TTLL8: variants seen among roughly 807,000 people sequenced by gnomAD.
The protein encoded by TTLL8 is tubulin tyrosine ligase like 8.
Under a neutral mutation model 77.8 loss-of-function variants are expected in TTLL8, and 65 were observed. That is an observed-to-expected ratio of 0.84 (90% CI 0.68 to 1.03). TTLL8 has a LOEUF of 1.03. Among genes scored for constraint, TTLL8 ranks in the 50% least tolerant of loss-of-function variants. TTLL8 has a pLI of 0.00. For missense variants in TTLL8, 910 were observed against 1,004.5 expected (o/e 0.91, Z 1.27); for synonymous variants, 402 against 422.8 (o/e 0.95, Z 0.60).
chr22:50,049,196 G>A (rs2061429983), intron 3 of TTLL8, 53 bp downstream of exon 5: 2 of 1,366,524 alleles, frequency 1.5e-6, no homozygotes, highest in South Asian at 2.3e-5. Context: ...GGGCGACGGT[G>A]TGAGAAGCTT....
At chr22:50,035,419 C>T (rs2061329322) in intron 8 of TTLL8, among the ~76,000 whole-genome samples, 1 of 152,142 alleles carries the variant, frequency 6.6e-6, no homozygotes, top group Non-Finnish European at 1.5e-5. Context: ...GGAGGGGCCC[C>T]ACCACTGTGG....
At chr22:50,032,071 A>G in exon 11 of TTLL8, 1 of 1,364,990 alleles carries the variant, frequency 7.3e-7, no homozygotes, top group Non-Finnish European at 9.8e-7. Flanking sequence ...ATCATTCTTC[A>G]GGTACTTCTG....
At chr22:50,049,496 G>A (rs1036291502) in intron 2 of TTLL8, among the ~76,000 whole-genome samples, 174 bp from the exon 5 acceptor site, 2 of 152,194 alleles carry the variant, frequency 1.3e-5, no homozygotes, top group African/African-American at 4.8e-5. Flanking sequence ...TCAGGCTTGG[G>A]GCATTCTGGC....
At chr22:50,040,400 G>C (rs2061363409) in intron 8 of TTLL8, among the ~76,000 whole-genome samples, 1 of 152,264 alleles carries the variant, frequency 6.6e-6, no homozygotes, top group South Asian at 2.1e-4. Flanking sequence ...CAGATTTCAT[G>C]TTGGGCACAA....
chr22:50,025,787 T>C (rs1200339610), intron 12 of TTLL8, among the ~76,000 whole-genome samples: 1 of 152,168 alleles, frequency 6.6e-6, no homozygotes, highest in Non-Finnish European at 1.5e-5. Context: ...ATGAACAAAG[T>C]GCTCAGCATG....
At position 50,032,118 on chromosome 22, in the gene TTLL8, G is replaced by T; in HGVS notation, c.1284-9C>A. ...TGCACAGGTGGATGGCGCTGCAGGG[G>T]GGACGAGGGGCAGGTGCTCAGCCTC... On this transcript the variant is annotated splice_polypyrimidine_tract_variant and intron_variant, in intron 10 of 13. Coordinates refer to ENST00000266182, the Ensembl canonical transcript of TTLL8. 1 of 1,348,298 alleles carries T rather than the reference G, an allele frequency of 7.4e-7. No homozygotes were observed. 83.5% of individuals were successfully genotyped at this position (1,348,298 alleles called of 1,614,324 possible).
exon 2 of TTLL8, chr22:50,050,150 T>A (rs1247267874): frequency 7.3e-7 from 1 of 1,367,078 alleles, no homozygotes; most frequent in Non-Finnish European, 9.8e-7. Context: ...CGGAATGACC[T>A]TGGGCAAAAA....
intron 12 of TTLL8, chr22:50,027,587 GT>G: frequency 1.0e-6 from 1 of 961,824 alleles, no homozygotes; most frequent in South Asian, 4.8e-5. Flanking sequence ...CAGATTCAAG[GT>G]GATCCCAGTC....
At chr22:50,049,446 G>T in intron 2 of TTLL8, 124 bp from the exon 5 acceptor site, 2 of 1,060,908 alleles carry the variant, frequency 1.9e-6, no homozygotes, top group Non-Finnish European at 1.3e-6. Flanking sequence ...TCCAGATGGG[G>T]CCTTCCCCTG....
intron 8 of TTLL8, among the ~76,000 whole-genome samples, chr22:50,035,347 A>C (rs1226200548): frequency 6.6e-6 from 1 of 152,188 alleles, no homozygotes; most frequent in East Asian, 1.9e-4. Context: ...TCGGGGTTCC[A>C]TTCACACCTG....
At position 50,034,397 on chromosome 22, in the gene TTLL8, G is replaced by A. The variant is rs770195173; in HGVS notation, c.987C>T (p.Asn329=). 4 of 1,367,276 alleles carry A rather than the reference G, an allele frequency of 2.9e-6. No homozygotes were observed. In the African/African-American group the frequency reaches 4.4e-5, roughly 15 times the overall value. 84.7% of individuals were successfully genotyped at this position (1,367,276 alleles called of 1,614,324 possible). The change falls in exon 9 of 14, where the codon AAC becomes AAT. Residue 329 remains asparagine, a synonymous_variant. Coordinates refer to ENST00000266182, the Ensembl canonical transcript of TTLL8. The surrounding 1 kb of genome is among the most constrained non-coding windows in gnomAD (Gnocchi z 4.1). ...TGGCCGCGGGCTTTATAATCCAGAT[G>A]TTCCGGAGCCCGTCAATGTCCGTCT...
Position 50,043,112 on chromosome 22 carries a change from C to T in TTLL8, c.644-1305G>A, listed in dbSNP as rs113071989. ...AGACGTCCTTCGGTAGATGGATAGA[C>T]AGATAAACAGTGGTGCCGAGACGTC... On this transcript the variant is annotated intron_variant, in intron 6 of 13. Transcript: ENST00000266182. Among the ~76,000 whole-genome samples, 193 of 146,174 alleles carry T rather than the reference C, an allele frequency of 1.3e-3. 1 individual carries two copies. The highest frequency in any genetic ancestry group is 2.7e-3 in the South Asian group (12 of 4,492).
At chr22:50,039,738 G>A (rs993843885) in intron 8 of TTLL8, among the ~76,000 whole-genome samples, 4 of 150,216 alleles carry the variant, frequency 2.7e-5, no homozygotes, top group East Asian at 2.0e-4. Context: ...CTGACCCCAC[G>A]TGTATCAGTG....
rs116275587 is a variant in TTLL8, at chr22:50,046,394, G to A, written c.394-424C>T. On this transcript the variant is annotated intron_variant, in intron 4 of 13. Coordinates refer to ENST00000266182, the Ensembl canonical transcript of TTLL8. ...ACATGCCCAGCACTGCCCACCACAC[G>A]CGAGGTAGCACGCGCCATTAGAGAG... 5.3e-3 allele frequency among the ~76,000 whole-genome samples: 804 copies of A among 152,338 alleles called. 7 individuals are homozygous for A. The highest frequency in any genetic ancestry group is 0.019 in the African/African-American group (770 of 41,562).
chr22:50,042,239 C>T (rs1256281604), intron 6 of TTLL8, among the ~76,000 whole-genome samples: 1 of 152,228 alleles, frequency 6.6e-6, no homozygotes, highest in Non-Finnish European at 1.5e-5. Context: ...GATATTTGCA[C>T]ACACTTAATA....
chr22:50,030,465 G>T, exon 12 of TTLL8: 1 of 1,343,520 alleles, frequency 7.4e-7, no homozygotes, highest in Non-Finnish European at 9.9e-7. Flanking sequence ...CGCGCCCTCT[G>T]CTGTCTTCAG....
chr22:50,054,709 C>T (rs1169684480), upstream of TTLL8: 3 of 176,454 alleles, frequency 1.7e-5, no homozygotes, highest in Middle Eastern at 1.0e-3. Flanking sequence ...GCGCTGGCCA[C>T]CCCTTGGTGG....
At chr22:50,058,019 G>A (rs1427684172), upstream of TTLL8, among the ~76,000 whole-genome samples, 1 of 151,710 alleles carries the variant, frequency 6.6e-6, no homozygotes, top group Non-Finnish European at 1.5e-5. The surrounding 1 kb of genome is among the most constrained non-coding windows in gnomAD (Gnocchi z 4.2). Flanking sequence ...GGCCCGGGGC[G>A]GGGAGGGGGT....
intron 12 of TTLL8, among the ~76,000 whole-genome samples, chr22:50,021,878 A>G (rs1040499326): frequency 2.2e-5 from 3 of 134,214 alleles, no homozygotes; most frequent in Non-Finnish European, 4.7e-5. Flanking sequence ...GATGACATGC[A>G]CTTCTCCATC....
Sources: allele counts gnomAD v4.1 joint callset (sites outside exome capture counted in the v4.1 genomes callset), GRCh38; gene constraint gnomAD v4.1.1; non-coding constraint Gnocchi (gnomAD v3.1); transcripts MANE v1.5; gene names NCBI Gene and HGNC (gene_info 2026-07-23, HGNC 2026-07-21).